Variants in KAT6B observed in about 807,000 individuals in gnomAD.
KAT6B encodes histone acetyltransferase KAT6B.
KAT6B carries 10 observed loss-of-function variants against 187.5 expected under a neutral mutation model. That is an observed-to-expected ratio of 0.05 (90% CI 0.03 to 0.09). The LOEUF (loss-of-function observed/expected upper bound fraction) is 0.09, where lower values mean the gene tolerates loss of function less well. KAT6B is among the 10% of genes least tolerant of loss of function. The pLI, the probability that KAT6B is intolerant of heterozygous loss-of-function variation, is 1.00. For synonymous variants in KAT6B, 861 were observed against 926.8 expected, an observed-to-expected ratio of 0.93 and a Z score of 1.29; for missense variants, 1,952 against 2,558.9, an observed-to-expected ratio of 0.76 and a Z score of 5.12.
At chr10:75,002,957 C>T (rs544244725) in intron 13 of KAT6B, 29 of 152,300 alleles carry the variant, frequency 1.9e-4, no homozygotes, top group Admixed American at 3.9e-4. Flanking sequence ...TTAATTATGA[C>T]GGGAAGAACT....
intron 3 of KAT6B, among the ~76,000 whole-genome samples, chr10:74,869,458 G>C (rs565890066): frequency 1.3e-5 from 2 of 152,022 alleles, no homozygotes; most frequent in East Asian, 3.9e-4. Context: ...GCTAATTTTT[G>C]TATTTTTAGT....
At chr10:74,942,011 A>G (rs954480852) in intron 3 of KAT6B, among the ~76,000 whole-genome samples, 1 of 152,134 alleles carries the variant, frequency 6.6e-6, no homozygotes, top group Admixed American at 6.5e-5. Context: ...TTAGCCAGGC[A>G]TGGTGTCAGG....
intron 7 of KAT6B, 24 bp downstream of exon 7, chr10:74,972,663 A>T: frequency 1.2e-6 from 2 of 1,604,162 alleles, no homozygotes; most frequent in South Asian, 2.2e-5. Flanking sequence ...TTATCAAAAG[A>T]AATCATTTAT....
chr10:74,992,698 G>A (rs1352281492), intron 13 of KAT6B, among the ~76,000 whole-genome samples: 2 of 152,248 alleles, frequency 1.3e-5, no homozygotes, highest in African/African-American at 2.4e-5. Flanking sequence ...CAGGGCAGCA[G>A]AGTGAGGTGG....
intron 3 of KAT6B, among the ~76,000 whole-genome samples, chr10:74,912,702 A>G (rs1847333844): frequency 6.6e-6 from 1 of 152,242 alleles, no homozygotes; most frequent in South Asian, 2.1e-4. Flanking sequence ...AATCACAAAT[A>G]CAAAGGAGGA....
intron 13 of KAT6B, among the ~76,000 whole-genome samples, chr10:75,013,613 C>G (rs569909315): frequency 6.6e-6 from 1 of 152,122 alleles, no homozygotes; most frequent in Non-Finnish European, 1.5e-5. Context: ...TTTAGTTACC[C>G]AAATGATCAC....
At chr10:74,900,546 G>A (rs1328372969) in intron 3 of KAT6B, among the ~76,000 whole-genome samples, 1 of 152,244 alleles carries the variant, frequency 6.6e-6, no homozygotes, top group East Asian at 1.9e-4. Context: ...ACGTGTAGGA[G>A]CAGCCTGTTG....
intron 3 of KAT6B, among the ~76,000 whole-genome samples, chr10:74,860,605 G>A (rs1039209758): frequency 6.6e-6 from 1 of 152,032 alleles, no homozygotes; most frequent in Non-Finnish European, 1.5e-5. Flanking sequence ...TCATTTCTTC[G>A]GGCGAAATCA....
At chr10:74,865,914 A>G (rs1843520896) in intron 3 of KAT6B, among the ~76,000 whole-genome samples, 1 of 152,200 alleles carries the variant, frequency 6.6e-6, no homozygotes, top group Admixed American at 6.5e-5. Context: ...TGACCCTTGA[A>G]CAACACAGGT....
intron 3 of KAT6B, among the ~76,000 whole-genome samples, chr10:74,933,509 A>G (rs1178114614): frequency 6.6e-6 from 1 of 152,214 alleles, no homozygotes; most frequent in Non-Finnish European, 1.5e-5. Flanking sequence ...TATGCTGTTA[A>G]AAAGGAGTCA....
intron 13 of KAT6B, among the ~76,000 whole-genome samples, chr10:74,997,466 G>T (rs1564613058): frequency 2.0e-5 from 3 of 152,120 alleles, no homozygotes; most frequent in Admixed American, 2.0e-4. Flanking sequence ...CATTCTATGG[G>T]TGTTGAAATT....
chr10:75,005,477 C>CA (rs1369484865), intron 13 of KAT6B, among the ~76,000 whole-genome samples: 4 of 152,164 alleles, frequency 2.6e-5, no homozygotes, highest in Non-Finnish European at 4.4e-5. Flanking sequence ...CTCAGCCTCC[C>CA]AAAGTGCTGG....
At chr10:74,841,410 A>G (rs1841733507) in intron 2 of KAT6B, among the ~76,000 whole-genome samples, 1 of 152,166 alleles carries the variant, frequency 6.6e-6, no homozygotes, top group Non-Finnish European at 1.5e-5. Flanking sequence ...TACTAAAAAT[A>G]CAAACATTAG....
At chr10:75,001,156 G>A (rs550836244) in intron 13 of KAT6B, among the ~76,000 whole-genome samples, 7 of 152,210 alleles carry the variant, frequency 4.6e-5, no homozygotes, top group African/African-American at 1.7e-4. Context: ...TAGTACCTTA[G>A]TTCCTTTCTC....
At chr10:74,942,441 CTT>C (rs1329247774) in intron 3 of KAT6B, among the ~76,000 whole-genome samples, 1 of 151,860 alleles carries the variant, frequency 6.6e-6, no homozygotes, top group Non-Finnish European at 1.5e-5. Context: ...ATAGAAGAAA[CTT>C]TTGTCAACCT....
At chr10:74,943,152 G>A (rs1589674147) in intron 3 of KAT6B, among the ~76,000 whole-genome samples, 1 of 152,252 alleles carries the variant, frequency 6.6e-6, no homozygotes, top group East Asian at 1.9e-4. Flanking sequence ...GATACAAAAT[G>A]ATTATTTTTA....
intron 3 of KAT6B, among the ~76,000 whole-genome samples, chr10:74,934,101 G>A (rs1047225530): frequency 1.0e-4 from 15 of 147,374 alleles, no homozygotes; most frequent in East Asian, 2.0e-4. Flanking sequence ...CAGGAGAATC[G>A]CTTGAACCTG....
chr10:74,925,040 T>C (rs916965011), intron 3 of KAT6B, among the ~76,000 whole-genome samples: 6 of 152,056 alleles, frequency 3.9e-5, no homozygotes, highest in Non-Finnish European at 7.4e-5. Context: ...AAATGTAAAT[T>C]TACTTTTATT....
intron 3 of KAT6B, among the ~76,000 whole-genome samples, chr10:74,958,854 A>G (rs1434712135): frequency 2.0e-5 from 3 of 152,036 alleles, no homozygotes; most frequent in Non-Finnish European, 4.4e-5. Context: ...CCTGACCAAC[A>G]TGGTGAAACC....
Sources: gnomAD v4.1 joint callset for allele counts (sites outside exome capture counted in the v4.1 genomes callset) on GRCh38, gnomAD v4.1.1 for gene constraint, MANE v1.5 for transcripts, NCBI Gene and HGNC (gene_info 2026-07-23, HGNC 2026-07-21) for gene names.